TMEM9: variants seen among roughly 807,000 people sequenced by gnomAD.
TMEM9 encodes the protein proton-transporting V-type ATPase complex assembly regulator TMEM9.
TMEM9 carries 13 observed loss-of-function variants against 22.8 expected under a neutral mutation model. That is an observed-to-expected ratio of 0.57 (90% CI 0.37 to 0.91). TMEM9 has a LOEUF of 0.91. Among genes scored for constraint, TMEM9 ranks in the 40% least tolerant of loss-of-function variants. TMEM9 has a pLI of 0.01. For missense variants in TMEM9, 182 were observed against 238.1 expected (o/e 0.76, Z 1.55); for synonymous variants, 88 against 93.0 (o/e 0.95, Z 0.31).
chr1:201,154,099 C>T lies in TMEM9; in HGVS notation c.-176G>A. On this transcript the variant is annotated 5_prime_UTR_variant, in exon 1 of 5. Transcript: ENST00000367330. ...TTCCAAGGCCTGCTAAACCTGGTCG[C>T]CAAACCCTGCTTCCCTCCCGCCCAA... The T allele has an allele frequency of 1.4e-6, 1 of 720,102 alleles. No homozygotes were observed. The highest frequency in any genetic ancestry group is 2.2e-6 in the Non-Finnish European group (1 of 455,280). 44.6% of individuals were successfully genotyped at this position (720,102 alleles called of 1,614,324 possible). A position where few individuals can be genotyped will look rare whatever the true frequency, so the allele number is the denominator to read the frequency against.
chr1:201,165,179 T>TATATATATATATATATAC (rs1666042592), intron 1 of TMEM9, among the ~76,000 whole-genome samples: 1 of 141,334 alleles, frequency 7.1e-6, no homozygotes, highest in Non-Finnish European at 1.5e-5. Context: ...TATATATATA[T>TATATATATATATATATAC]TCATTATCAT....
At chr1:201,156,392 A>G (rs984120089), upstream of TMEM9, among the ~76,000 whole-genome samples, 1 of 151,948 alleles carries the variant, frequency 6.6e-6, no homozygotes. Flanking sequence ...TCTTCCTCCA[A>G]TTCTGTTTTC....
chr1:201,141,402 G>A (rs955813939), intron 4 of TMEM9, among the ~76,000 whole-genome samples: 1 of 152,192 alleles, frequency 6.6e-6, no homozygotes, highest in Non-Finnish European at 1.5e-5. Flanking sequence ...AGACCACACA[G>A]AATCACAGGA....
intron 2 of TMEM9, among the ~76,000 whole-genome samples, chr1:201,148,263 G>T (rs912311607): frequency 8.5e-5 from 13 of 152,196 alleles, no homozygotes; most frequent in African/African-American, 3.1e-4. Flanking sequence ...TCAGCCACAG[G>T]TCTTTACTTC....
chr1:201,142,981 G>A (rs1418877197), intron 4 of TMEM9, among the ~76,000 whole-genome samples: 2 of 152,226 alleles, frequency 1.3e-5, no homozygotes, highest in East Asian at 1.9e-4. Flanking sequence ...CCCTTCACCT[G>A]AGCCCTCCTG....
At position 201,144,055 on chromosome 1, in the gene TMEM9, AGT is replaced by A. The variant is rs1664758948; in HGVS notation, c.268-106_268-105del. On this transcript the variant is annotated intron_variant, in intron 3 of 4. Coordinates refer to ENST00000367330, the MANE Select transcript of TMEM9 (RefSeq NM_001288565.2). ...GTGTCCGGCTGGCAGTGACTCCTCA[AGT>A]GGTGCACTAAGAAAGGACTTGGAGG... is the stretch of plus-strand genomic sequence containing the variant. 6.1e-5 allele frequency: 81 copies of A among 1,332,552 alleles called. 2 individuals carry two copies. The South Asian group carries it at 1.1e-3, about 18-fold the overall frequency. The allele number at this position is 1,332,552 out of a possible 1,614,324, so 82.5% of individuals were successfully genotyped here. A position where few individuals can be genotyped will look rare whatever the true frequency, so the allele number is the denominator to read the frequency against.
At chr1:201,147,006 G>GT (rs1665033291) in intron 2 of TMEM9, 158 bp from the exon 3 acceptor site, 6 of 639,766 alleles carry the variant, frequency 9.4e-6, no homozygotes, top group Middle Eastern at 8.5e-4. Flanking sequence ...GATTAGGCTG[G>GT]CAGAAACCCT....
At chr1:201,143,975 A>C in intron 3 of TMEM9, 24 bp from the exon 4 acceptor site, 1 of 1,613,314 alleles carries the variant, frequency 6.2e-7, no homozygotes, top group Non-Finnish European at 8.5e-7. Context: ...CGGCGTGCCT[A>C]TGAACCATTA....
chr1:201,143,148 G>A (rs796101612), intron 4 of TMEM9, among the ~76,000 whole-genome samples: 36 of 152,302 alleles, frequency 2.4e-4, no homozygotes, highest in African/African-American at 8.7e-4. Context: ...GGCTGTCTGG[G>A]GTCAGTGGTT....
At chr1:201,151,885 G>A (rs1392985763) in intron 1 of TMEM9, 33 bp from the exon 2 acceptor site, 2 of 1,570,324 alleles carry the variant, frequency 1.3e-6, no homozygotes, top group African/African-American at 1.4e-5. Context: ...AGTATGCAGA[G>A]ACCCTGCCTG....
Position 201,135,478 on chromosome 1 carries a change from T to A in TMEM9, c.*185A>T. On this transcript the variant is annotated 3_prime_UTR_variant, in exon 5 of 5. Coordinates refer to ENST00000367330, the MANE Select transcript of TMEM9 (RefSeq NM_001288565.2). Reference sequence around the variant, plus strand: ...AAGACAACAGAGATCAGAGACCACATCCCTCTTCCCTAATCAAAATAGCCA... The same window carrying A: ...AAGACAACAGAGATCAGAGACCACAACCCTCTTCCCTAATCAAAATAGCCA... 1.8e-6 allele frequency: 1 copy of A among 565,930 alleles called. No individual in the cohort carries two copies. The highest frequency in any genetic ancestry group is 3.9e-5 in the Admixed American group (1 of 25,874). 35.1% of individuals were successfully genotyped at this position (565,930 alleles called of 1,614,324 possible).
At chr1:201,146,157 C>T (rs892055435) in intron 3 of TMEM9, among the ~76,000 whole-genome samples, 1 of 152,160 alleles carries the variant, frequency 6.6e-6, no homozygotes, top group Admixed American at 6.5e-5. Flanking sequence ...TGAACAGACA[C>T]CTCGTGACGT....
chr1:201,147,064 G>A (rs1189378093), intron 2 of TMEM9, among the ~76,000 whole-genome samples: 1 of 152,144 alleles, frequency 6.6e-6, no homozygotes, highest in Non-Finnish European at 1.5e-5. Flanking sequence ...ATCAAAACCA[G>A]CTCTCCAAAC....
chr1:201,170,566 T>G (rs1422700678), intron 1 of TMEM9, among the ~76,000 whole-genome samples: 1 of 152,098 alleles, frequency 6.6e-6, no homozygotes, highest in Non-Finnish European at 1.5e-5. Context: ...ACGACTCCCC[T>G]AGGAGACAGA....
At chr1:201,161,371 C>T (rs971803991) in intron 1 of TMEM9, among the ~76,000 whole-genome samples, 1 of 152,182 alleles carries the variant, frequency 6.6e-6, no homozygotes, top group African/African-American at 2.4e-5. Flanking sequence ...CCCACAGAGT[C>T]CTCAGACCAT....
At chr1:201,163,344 CTT>C (rs774918559) in intron 1 of TMEM9, among the ~76,000 whole-genome samples, 65 of 152,176 alleles carry the variant, frequency 4.3e-4, no homozygotes, top group Middle Eastern at 3.4e-3. Context: ...AATCCCAACA[CTT>C]TGGGAGGCTG....
intron 1 of TMEM9, among the ~76,000 whole-genome samples, chr1:201,169,559 T>C (rs1666164414): frequency 6.6e-6 from 1 of 152,132 alleles, no homozygotes; most frequent in South Asian, 2.1e-4. Flanking sequence ...GAGGAACAGC[T>C]GTAGGAAATG....
At chr1:201,155,069 G>A (rs1357577249), upstream of TMEM9, among the ~76,000 whole-genome samples, 1 of 152,216 alleles carries the variant, frequency 6.6e-6, no homozygotes, top group Non-Finnish European at 1.5e-5. Context: ...CAGGATGCAG[G>A]GGTGAGGGTC....
At chr1:201,164,019 T>A (rs1277945571) in intron 1 of TMEM9, among the ~76,000 whole-genome samples, 1 of 152,254 alleles carries the variant, frequency 6.6e-6, no homozygotes, top group Non-Finnish European at 1.5e-5. Context: ...AACTTCAGTA[T>A]GTCTGTACCG....
Sources: gnomAD v4.1 joint callset for allele counts (sites outside exome capture counted in the v4.1 genomes callset) on GRCh38, gnomAD v4.1.1 for gene constraint, MANE v1.5 for transcripts, NCBI Gene and HGNC (gene_info 2026-07-23, HGNC 2026-07-21) for gene names.